CUL7: variants seen among roughly 807,000 people sequenced by gnomAD.
CUL7 encodes cullin-7.
A neutral mutation model predicts 177.7 loss-of-function variants in CUL7; 96 were observed. The ratio of observed to expected loss-of-function variants is 0.54; its 90% confidence interval spans 0.46 to 0.64. The LOEUF (loss-of-function observed/expected upper bound fraction) is 0.64, where lower values mean the gene tolerates loss of function less well. CUL7 is among the 30% of genes least tolerant of loss of function. The probability of loss-of-function intolerance (pLI) is 0.00; values close to 1 mark genes in which losing one functional copy is unlikely to be tolerated. For missense variants in CUL7, 1,893 were observed against 2,187.9 expected (o/e 0.87, Z 2.69); for synonymous variants, 824 against 890.2 (o/e 0.93, Z 1.32).
rs1160001966 is a variant in CUL7, at chr6:43,045,795, C to T, written c.2767-113G>A. 8 of 1,277,298 alleles carry T rather than the reference C, an allele frequency of 6.3e-6. No homozygotes were observed. The highest frequency in any genetic ancestry group is 7.9e-6 in the Non-Finnish European group (7 of 888,884). 79.1% of individuals were successfully genotyped at this position (1,277,298 alleles called of 1,614,324 possible). A position where few individuals can be genotyped will look rare whatever the true frequency, so the allele number is the denominator to read the frequency against. On this transcript the variant is annotated intron_variant, in intron 13 of 25. Transcript: ENST00000265348. This position sits in a 1 kb window ranked among gnomAD's most constrained non-coding sequence, Gnocchi z 4.8. The stretch of plus-strand genomic sequence containing the variant: ...TCCCCAGCCCTGGGATGTGTAGGGT[C>T]CTGACAAAGCTGTCCTCATGCCACC...
intron 19 of CUL7, among the ~76,000 whole-genome samples, chr6:43,042,049 AAGAAAGAGAAAGAG>A (rs1763473905): frequency 6.7e-6 from 1 of 149,982 alleles, no homozygotes; most frequent in Non-Finnish European, 1.5e-5. Context: ...GAGAGAAGGA[AAGAAAGAGAAAGAG>A]AGAAAGAGAA....
In CUL7 at chr6:43,040,153, C is replaced by T; in HGVS notation, c.4294+3G>A. On this transcript the variant is annotated splice_donor_region_variant and intron_variant, in intron 22 of 25. Transcript: ENST00000265348. The surrounding 1 kb of genome is among the most constrained non-coding windows in gnomAD (Gnocchi z 4.2). ...TCCCCAGTCCCTCTGCCTGGCTGCT[C>T]ACTCTTGTTGTAGAAGTTGGAGTAT... 6.2e-7 allele frequency: 1 copy of T among 1,614,176 alleles called. No individual in the cohort carries two copies. Among genetic ancestry groups the T allele is most frequent in the Middle Eastern group, 1.6e-4 (1 of 6,062 alleles).
chr6:43,041,690 AGGGAAGGGAAG>A (rs1213578983), intron 19 of CUL7, among the ~76,000 whole-genome samples: 14 of 146,618 alleles, frequency 9.5e-5, no homozygotes, highest in Non-Finnish European at 7.5e-5. Context: ...AGGAAGGGGA[AGGGAAGGGAAG>A]GGGAAGGGAA....
chr6:43,051,662 C>G lies in CUL7; in HGVS notation c.682G>C (p.Ala228Pro). Residue 228 changes from alanine (A) to proline (P), a missense_variant, in exon 3 of 26, where the codon GCC (alanine) becomes CCC (proline). Physicochemically the swap from Ala to Pro is conservative, Grantham distance 27. This residue lies in a region of CUL7 where 653 missense variants were observed against 725.2 expected (regional missense o/e 0.90). Coordinates refer to ENST00000265348, the MANE Select transcript of CUL7 (RefSeq NM_014780.5). The surrounding 1 kb of genome is among the most constrained non-coding windows in gnomAD (Gnocchi z 5.0). ...RCALLALFAQATLSEHPMSFE... is the reference protein window; with the variant it reads ...RCALLALFAQPTLSEHPMSFE... Reference sequence around the variant, plus strand: ...GACATGGGGTGTTCAGAGAGCGTGGCCTGTGCAAACAGTGCTAGCAGAGCA... The same window carrying G: ...GACATGGGGTGTTCAGAGAGCGTGGGCTGTGCAAACAGTGCTAGCAGAGCA... 6.2e-7 allele frequency: 1 copy of G among 1,614,154 alleles called. No individual in the cohort carries two copies. Among genetic ancestry groups the G allele is most frequent in the South Asian group, 1.1e-5 (1 of 91,078 alleles).
rs773657593 is a variant in CUL7, at chr6:43,037,866, C to T, written c.4919G>A (p.Arg1640Gln). The T allele has an allele frequency of 3.5e-5, 56 of 1,613,586 alleles. No homozygotes were observed. The highest frequency in any genetic ancestry group is 4.3e-5 in the Non-Finnish European group (51 of 1,179,796). ...GKGTLRRHDD[R>Q]PQVLSYAVPV... ...GACTGCATAGGACAGCACCTGGGGC[C>T]GGTCGTCATGGCGTCTCAGCGTGCC... is the stretch of plus-strand genomic sequence containing the variant. The change falls in exon 26 of 26, where the codon CGG becomes CAG. Residue 1640 changes from arginine to glutamine, a missense_variant. Around this residue, in one of 5 missense-constraint regions of CUL7, gnomAD observed 248 missense variants for 262.5 expected, o/e 0.94. Coordinates refer to ENST00000265348, the MANE Select transcript of CUL7 (RefSeq NM_014780.5).
At position 43,048,135 on chromosome 6, in the gene CUL7, A is replaced by G; in HGVS notation, c.2169+13T>C. Reference sequence around the variant, plus strand: ...CTCTCCCCCAGCCTCTCCCCAGAGCAGGGCAGGGGTACCTCTCGATCAGTG... The same window carrying G: ...CTCTCCCCCAGCCTCTCCCCAGAGCGGGGCAGGGGTACCTCTCGATCAGTG... On this transcript the variant is annotated intron_variant, in intron 9 of 25. Coordinates refer to ENST00000265348, the MANE Select transcript of CUL7 (RefSeq NM_014780.5). 1 of 1,564,368 alleles carries G rather than the reference A, an allele frequency of 6.4e-7. No individual in the cohort carries two copies. The highest frequency in any genetic ancestry group is 1.1e-5 in the South Asian group (1 of 89,690).
Position 43,040,165 on chromosome 6 carries a change from A to T in CUL7, c.4285T>A (p.Tyr1429Asn). 1.2e-6 allele frequency: 2 copies of T among 1,614,068 alleles called. No individual in the cohort carries two copies. The highest frequency in any genetic ancestry group is 1.7e-6 in the Non-Finnish European group (2 of 1,180,024). The change falls in exon 22 of 26, where the codon TAC (tyrosine) becomes AAC (asparagine). Residue 1429 changes from tyrosine to asparagine, a missense_variant. Physicochemically the swap from Tyr to Asn is moderately radical, Grantham distance 143. This residue lies in a region of CUL7 where 973 missense variants were observed against 1,140.9 expected (regional missense o/e 0.85). Coordinates refer to ENST00000265348, the MANE Select transcript of CUL7 (RefSeq NM_014780.5). This position sits in a 1 kb window ranked among gnomAD's most constrained non-coding sequence, Gnocchi z 4.2. The part of the protein sequence containing the change: ...RGTLNRYSNF[Y>N]NKSQSHPALE... The stretch of plus-strand genomic sequence containing the variant: ...CTGCCTGGCTGCTCACTCTTGTTGT[A>T]GAAGTTGGAGTATCTGTTCAAAGTG...
In CUL7 at chr6:43,052,324, T is replaced by A. The variant is rs150212051; in HGVS notation, c.465A>T (p.Gly155=). Residue 155 remains glycine (G), a synonymous_variant, in exon 2 of 26, where the codon GGA becomes GGT. Transcript: ENST00000265348. This position sits in a 1 kb window ranked among gnomAD's most constrained non-coding sequence, Gnocchi z 4.5. The stretch of plus-strand genomic sequence containing the variant: ...CCAGGACCCTTGGGTCCTTGAATAC[T>A]CCAGTGAGGGGCTCAATGCTGGCAT... ...SAYASIEPLT[G]VFKDPRVLDL... is the part of the protein sequence containing the mutation. 2.1e-3 allele frequency: 3,342 copies of A among 1,614,196 alleles called. 36 individuals are homozygous for A. The highest frequency in any genetic ancestry group is 0.016 in the South Asian group (1,475 of 91,088).
chr6:43,048,771 T>A (rs1391260148), intron 7 of CUL7, among the ~76,000 whole-genome samples: 1 of 151,968 alleles, frequency 6.6e-6, no homozygotes, highest in Non-Finnish European at 1.5e-5. Context: ...ATATTCTTTT[T>A]TTTTTTTTTT....
Position 43,051,560 on chromosome 6 carries a change from G to C in CUL7, c.732+52C>G. On this transcript the variant is annotated intron_variant, in intron 3 of 25. Transcript: ENST00000265348. This position sits in a 1 kb window ranked among gnomAD's most constrained non-coding sequence, Gnocchi z 5.0. Reference sequence around the variant, plus strand: ...CTCTGCAGATAGGTGCAAAGGCCTGGACCCTAGATCTTGTTCACAAGTTCC... The same window carrying C: ...CTCTGCAGATAGGTGCAAAGGCCTGCACCCTAGATCTTGTTCACAAGTTCC... 6.2e-7 allele frequency: 1 copy of C among 1,613,912 alleles called. No individual in the cohort carries two copies. Among genetic ancestry groups the C allele is most frequent in the Non-Finnish European group, 8.5e-7 (1 of 1,179,942 alleles).
At position 43,040,669 on chromosome 6, in the gene CUL7, C is replaced by T; in HGVS notation, c.3884G>A (p.Cys1295Tyr). The T allele has an allele frequency of 3.1e-6, 5 of 1,614,192 alleles. No homozygotes were observed. Among genetic ancestry groups the T allele is most frequent in the Non-Finnish European group, 3.4e-6 (4 of 1,180,040 alleles). The change falls in exon 21 of 26, where the codon TGC becomes TAC. Residue 1295 changes from cysteine to tyrosine, a missense_variant. Physicochemically the swap from Cys to Tyr is radical, Grantham distance 194. Around this residue, in one of 5 missense-constraint regions of CUL7, gnomAD observed 973 missense variants for 1,140.9 expected, o/e 0.85. Transcript: ENST00000265348. The surrounding 1 kb of genome is among the most constrained non-coding windows in gnomAD (Gnocchi z 4.2). ...EGAVLEQIGP[C>Y]FPNRLPQQML... The stretch of plus-strand genomic sequence containing the variant: ...CTGCTGGGGGAGGCGGTTGGGGAAG[C>T]AGGGACCGATCTGCTCCAGCACGGC...
At chr6:43,046,155 G>A (rs1763882935) in intron 12 of CUL7, 64 bp from the exon 13 acceptor site, 2 of 1,611,918 alleles carry the variant, frequency 1.2e-6, no homozygotes, top group African/African-American at 1.3e-5. Context: ...AGTCCAGGGG[G>A]TGGTGCTTCC....
rs758419158 is a variant in CUL7 at position 43,043,498 on chromosome 6, T to C, written c.3305A>G (p.His1102Arg). The change falls in exon 17 of 26, where the codon CAT becomes CGT. Residue 1102 changes from histidine (H) to arginine (R), a missense_variant. This residue lies in a region of CUL7 where 973 missense variants were observed against 1,140.9 expected (regional missense o/e 0.85). Transcript: ENST00000265348. The surrounding 1 kb of genome is among the most constrained non-coding windows in gnomAD (Gnocchi z 4.2). Reference protein sequence around the residue: ...RVRRLTHLLVHVEPCEAPPPV... With the variant: ...RVRRLTHLLVRVEPCEAPPPV... ...AGGGGGTGCCTCACAGGGCTCGACA[T>C]GCACCAGCAGGTGAGTGAGACGGCG... The C allele has an allele frequency of 6.2e-7, 1 of 1,614,020 alleles. No homozygotes were observed. Among genetic ancestry groups the C allele is most frequent in the Non-Finnish European group, 8.5e-7 (1 of 1,179,950 alleles).
chr6:43,042,753 G>A, intron 19 of CUL7, 49 bp downstream of exon 19: 1 of 1,249,614 alleles, frequency 8.0e-7, no homozygotes, highest in South Asian at 1.2e-5. Flanking sequence ...GTGAGGAAGG[G>A]AGAGTTTGTC....
Position 43,043,200 on chromosome 6 carries a change from G to T in CUL7, c.3356-20C>A. 6.3e-7 allele frequency: 1 copy of T among 1,599,278 alleles called. No homozygotes were observed. The highest frequency in any genetic ancestry group is 1.1e-5 in the South Asian group (1 of 90,594). On this transcript the variant is annotated intron_variant, in intron 17 of 25. Transcript: ENST00000265348. This position sits in a 1 kb window ranked among gnomAD's most constrained non-coding sequence, Gnocchi z 4.2. ...TGCCTTCTGTAGAGACCAAGAAAGT[G>T]GCAGAGGCAAGGAGGGTGCAGCCCC...
At chr6:43,049,310 C>T (rs1764204556) in intron 7 of CUL7, 97 bp downstream of exon 7, 1 of 1,525,698 alleles carries the variant, frequency 6.6e-7, no homozygotes, top group Non-Finnish European at 9.0e-7. Flanking sequence ...AAGGTGGCAT[C>T]ACTTCCAGAA....
chr6:43,038,767 G>A, intron 23 of CUL7, 75 bp from the exon 24 acceptor site: 1 of 1,612,630 alleles, frequency 6.2e-7, no homozygotes, highest in Non-Finnish European at 8.5e-7. Context: ...AAGAAGCAGA[G>A]GGAGTCAAGG....
rs41274914 is a variant in CUL7 at position 43,046,734 on chromosome 6, G to A, written c.2398-133C>T. 555 of 1,399,878 alleles carry A rather than the reference G, an allele frequency of 4.0e-4. 1 individual carries two copies. The highest frequency in any genetic ancestry group is 5.3e-4 in the Non-Finnish European group (530 of 999,716). The allele number at this position is 1,399,878 out of a possible 1,614,324, so 86.7% of individuals were successfully genotyped here. ...CAGCACCAGCAGAGCAGGCCCAGAT[G>A]GGGCAGAGGGGAAGGGGAACAAATG... On this transcript the variant is annotated intron_variant, in intron 10 of 25. Transcript: ENST00000265348.
rs752009036 is a variant in CUL7, at chr6:43,051,397, G to A, written c.804C>T (p.Asn268=). 8 of 1,614,000 alleles carry A rather than the reference G, an allele frequency of 5.0e-6. No homozygotes were observed. Among genetic ancestry groups the A allele is most frequent in the East Asian group, 4.5e-5 (2 of 44,904 alleles). ...LHVTSLLDQL[N]DSAAEPGAQN... The stretch of plus-strand genomic sequence containing the variant: ...GGGCTCCTGGCTCCGCAGCACTGTC[G>A]TTCAGCTGATCCAGGAGCGAGGTGA... The change falls in exon 4 of 26, where the codon AAC becomes AAT. Residue 268 remains asparagine, a synonymous_variant. Transcript: ENST00000265348. This position sits in a 1 kb window ranked among gnomAD's most constrained non-coding sequence, Gnocchi z 5.0.
Sources: gnomAD v4.1 joint callset for allele counts (sites outside exome capture counted in the v4.1 genomes callset) on GRCh38, gnomAD v4.1.1 for gene constraint, gnomAD v4.1.1 regional missense constraint, Gnocchi (gnomAD v3.1) non-coding constraint, MANE v1.5 for transcripts, NCBI Gene and HGNC (gene_info 2026-07-23, HGNC 2026-07-21) for gene names.